The following PCDH19 variants were observed in gnomAD, a reference collection of about 807,000 sequenced individuals.
PCDH19 encodes the protein protocadherin 19, also known as protocadherin-19.
A neutral mutation model predicts 46.2 loss-of-function variants in PCDH19; 6 were observed. The ratio of observed to expected loss-of-function variants is 0.13; its 90% confidence interval spans 0.07 to 0.26. The LOEUF (loss-of-function observed/expected upper bound fraction) is 0.26. Among genes scored for constraint, PCDH19 ranks in the 10% least tolerant of loss-of-function variants. The probability of loss-of-function intolerance (pLI) is 1.00; values close to 1 mark genes in which losing one functional copy is unlikely to be tolerated. For missense variants in PCDH19, 740 were observed against 972.3 expected, an observed-to-expected ratio of 0.76 and a Z score of 3.18; for synonymous variants, 481 against 415.7, an observed-to-expected ratio of 1.16 and a Z score of -1.91.
intron 5 of PCDH19, among the ~76,000 whole-genome samples, chrX:100,312,278 C>G (rs1479208038): frequency 9.0e-6 from 1 of 111,066 alleles, no homozygotes. Flanking sequence ...TCATTAAATC[C>G]TTGTTTGCAA....
chrX:100,329,436 G>A (rs1378427332), intron 5 of PCDH19, among the ~76,000 whole-genome samples: 3 of 112,030 alleles, frequency 2.7e-5, no homozygotes, highest in African/African-American at 9.7e-5. Context: ...ACAGTGTGAT[G>A]AGCATTGAGT....
intron 5 of PCDH19, among the ~76,000 whole-genome samples, chrX:100,325,890 A>C (rs1925680752): frequency 8.9e-6 from 1 of 111,978 alleles, no homozygotes; most frequent in Admixed American, 9.4e-5. Flanking sequence ...ATGTGTGTAC[A>C]TGTCTCCCCA....
chrX:100,404,168 T>C (rs1306622710), intron 1 of PCDH19, among the ~76,000 whole-genome samples: 1 of 111,322 alleles, frequency 9.0e-6, no homozygotes, highest in South Asian at 3.8e-4. Context: ...GAACTTTAGG[T>C]TTCTAAAAAG....
At chrX:100,402,988 T>C (rs1392764356) in intron 2 of PCDH19, 137 bp from the exon 3 acceptor site, 1 of 523,535 alleles carries the variant, frequency 1.9e-6, no homozygotes, top group Non-Finnish European at 3.3e-6. Flanking sequence ...ATCATCGGGT[T>C]TCTCCCTGTG....
In PCDH19 at chrX:100,402,956, G is replaced by T. The variant is rs375097185; in HGVS notation, c.2289-105C>A. ...AGGGTTGCACCCCATCTCCGCTCCA[G>T]CTCCTTATTCTGGTGCATTACATCA... On this transcript the variant is annotated intron_variant, in intron 2 of 5. Transcript: ENST00000373034. The T allele has an allele frequency of 1.7e-5, 10 of 599,503 alleles. No homozygotes were observed. In the African/African-American group the frequency reaches 2.0e-4, roughly 12 times the overall value. 49.4% of individuals were successfully genotyped at this position (599,503 alleles called of 1,213,427 possible). A position where few individuals can be genotyped will look rare whatever the true frequency, so the allele number is the denominator to read the frequency against.
rs1185740314 is a variant in PCDH19 at position 100,293,095 on chromosome X, A to G, written c.*3182T>C. Reference sequence around the variant, plus strand: ...GGGAAAAGTCAGCTAAACTCCCTTCATAAAATCAGTCAGTCATATGCTGAA... The same window carrying G: ...GGGAAAAGTCAGCTAAACTCCCTTCGTAAAATCAGTCAGTCATATGCTGAA... On this transcript the variant is annotated 3_prime_UTR_variant, in exon 6 of 6. Coordinates refer to ENST00000373034, the MANE Select transcript of PCDH19 (RefSeq NM_001184880.2). 1 of 112,111 alleles carries G rather than the reference A, an allele frequency of 8.9e-6. No individual in the cohort carries two copies. Among genetic ancestry groups the G allele is most frequent in the East Asian group, 2.8e-4 (1 of 3,591 alleles). The allele number at this position is 112,111 out of a possible 1,213,427, so 9.2% of individuals were successfully genotyped here.
chrX:100,367,991 G>T (rs1490893637), intron 3 of PCDH19, among the ~76,000 whole-genome samples: 4 of 111,246 alleles, frequency 3.6e-5, no homozygotes, highest in African/African-American at 1.3e-4. Context: ...AGGGGAGAGA[G>T]AAAGACAGAA....
At chrX:100,300,313 T>C (rs751319218) in intron 5 of PCDH19, among the ~76,000 whole-genome samples, 2 of 111,951 alleles carry the variant, frequency 1.8e-5, no homozygotes, top group African/African-American at 3.2e-5. Flanking sequence ...GTATAGGACT[T>C]GTAAAGATTA....
At chrX:100,404,976 T>C (rs970440576) in intron 1 of PCDH19, among the ~76,000 whole-genome samples, 2 of 112,441 alleles carry the variant, frequency 1.8e-5, no homozygotes, top group Non-Finnish European at 3.7e-5. Flanking sequence ...AGAAAAGTCA[T>C]GGCCATTTCA....
chrX:100,387,591 C>T (rs1010002115), intron 3 of PCDH19, among the ~76,000 whole-genome samples: 6 of 111,700 alleles, frequency 5.4e-5, no homozygotes, highest in Non-Finnish European at 1.1e-4. Context: ...TATATCATTT[C>T]TATAGTATTA....
intron 1 of PCDH19, among the ~76,000 whole-genome samples, chrX:100,405,958 C>G (rs905029996): frequency 9.0e-6 from 1 of 111,290 alleles, no homozygotes; most frequent in Non-Finnish European, 1.9e-5. Context: ...CCTTTCCCAT[C>G]TTACACTCCC....
chrX:100,318,208 C>T (rs773243370), intron 5 of PCDH19, among the ~76,000 whole-genome samples: 1 of 111,938 alleles, frequency 8.9e-6, no homozygotes, highest in East Asian at 2.8e-4. Flanking sequence ...GACTTAACAG[C>T]CCTATCCTAT....
Position 100,409,831 on chromosome X carries a change from T to C in PCDH19, c.-1234A>G. 1 of 267,257 alleles carries C rather than the reference T, an allele frequency of 3.7e-6. No individual in the cohort carries two copies. The highest frequency in any genetic ancestry group is 6.5e-6 in the Non-Finnish European group (1 of 152,907). 22.0% of individuals were successfully genotyped at this position (267,257 alleles called of 1,213,427 possible). A position where few individuals can be genotyped will look rare whatever the true frequency, so the allele number is the denominator to read the frequency against. On this transcript the variant is annotated 5_prime_UTR_variant, in exon 1 of 6. Transcript: ENST00000373034. The stretch of plus-strand genomic sequence containing the variant: ...CGATTTTGTCGCCGCCGAAGTTTAC[T>C]TGCAGGAGCGTCTTGATTTCATCTT...
At position 100,296,732 on chromosome X, in the gene PCDH19, T is replaced by G. The variant is rs1387075416; in HGVS notation, c.2992A>C (p.Thr998Pro). 2.4e-5 allele frequency: 29 copies of G among 1,211,121 alleles called. No homozygotes were observed. The highest frequency in any genetic ancestry group is 2.9e-5 in the Non-Finnish European group (26 of 895,297). Residue 998 changes from threonine (T) to proline (P), a missense_variant, in exon 6 of 6, where the codon ACT becomes CCT. By Grantham distance (38) the Thr-to-Pro change is conservative. Transcript: ENST00000373034. Reference sequence around the variant, plus strand: ...TCATAAGCCTCGACATCAGCAGCAGTAGCTTCAATAGACAGCGCGATGATG... The same window carrying G: ...TCATAAGCCTCGACATCAGCAGCAGGAGCTTCAATAGACAGCGCGATGATG... The part of the protein sequence containing the change: ...RNIIALSIEA[T>P]AADVEAYDDC...
chrX:100,334,962 C>T (rs753690917), intron 5 of PCDH19, among the ~76,000 whole-genome samples: 3 of 110,088 alleles, frequency 2.7e-5, no homozygotes, highest in African/African-American at 6.6e-5. Flanking sequence ...ATTAGACAAA[C>T]GGTTGATATT....
chrX:100,407,373 C>T lies in PCDH19; in HGVS notation c.1225G>A (p.Gly409Arg), dbSNP rs1928402131. ...TCGTGCTGCTCGCGGTCCAGCCGTC[C>T]GTCCACCAGAATAGTGGAGAAGCTC... ...YESFSTILVD[G>R]RLDREQHDQY... Residue 409 changes from glycine (G) to arginine (R), a missense_variant, in exon 1 of 6, where the codon GGA (glycine) becomes AGA (arginine). Transcript: ENST00000373034. 8.3e-7 allele frequency: 1 copy of T among 1,212,096 alleles called. No individual in the cohort carries two copies. The highest frequency in any genetic ancestry group is 1.1e-6 in the Non-Finnish European group (1 of 895,531).
Position 100,296,712 on chromosome X carries a change from A to C in PCDH19, c.3012T>G (p.Ala1004=). Residue 1004 remains alanine (A), a synonymous_variant, in exon 6 of 6, where the codon GCT becomes GCG. Coordinates refer to ENST00000373034, the MANE Select transcript of PCDH19 (RefSeq NM_001184880.2). ...GTTTGGTGGGGCCGCAGTCGTCATA[A>C]GCCTCGACATCAGCAGCAGTAGCTT... is the stretch of plus-strand genomic sequence containing the variant. ...SIEATAADVE[A]YDDCGPTKRT... is the part of the protein sequence containing the mutation. The C allele has an allele frequency of 8.3e-7, 1 of 1,211,436 alleles. No individual in the cohort carries two copies.
At chrX:100,357,425 T>A (rs1926750167) in intron 3 of PCDH19, among the ~76,000 whole-genome samples, 1 of 111,962 alleles carries the variant, frequency 8.9e-6, no homozygotes, top group Admixed American at 9.5e-5. Flanking sequence ...ATAGCCCATA[T>A]TATCTGTCCT....
Position 100,342,066 on chromosome X carries a change from G to A in PCDH19, c.2685C>T (p.Thr895=). ...GGCTGTTGCCCTCTAAGTCCTTGAA[G>A]GTGGAGCTGCTGGGTTGAAGACAGA... ...SRAHLIKSSS[T]FKDLEGNSLK... is the part of the protein sequence containing the mutation. Residue 895 remains threonine, a synonymous_variant, in exon 5 of 6, where the codon ACC becomes ACT. Coordinates refer to ENST00000373034, the MANE Select transcript of PCDH19 (RefSeq NM_001184880.2). The A allele has an allele frequency of 8.3e-7, 1 of 1,208,568 alleles. No individual in the cohort carries two copies. The highest frequency in any genetic ancestry group is 1.8e-5 in the South Asian group (1 of 56,928).
Sources: allele counts gnomAD v4.1 joint callset (sites outside exome capture counted in the v4.1 genomes callset), GRCh38; gene constraint gnomAD v4.1.1; transcripts MANE v1.5; gene names NCBI Gene and HGNC (gene_info 2026-07-23, HGNC 2026-07-21).